The following TPPP variants were observed in gnomAD, a reference collection of about 807,000 sequenced individuals.
TPPP encodes the protein tubulin polymerization promoting protein, also known as tubulin polymerization-promoting protein.
Under a neutral mutation model 15.5 loss-of-function variants are expected in TPPP, and 6 were observed. The ratio of observed to expected loss-of-function variants is 0.39; its 90% confidence interval spans 0.21 to 0.77. The LOEUF (loss-of-function observed/expected upper bound fraction) is 0.77. Among genes scored for constraint, TPPP ranks in the 30% least tolerant of loss-of-function variants. The probability of loss-of-function intolerance (pLI) is 0.42; values close to 1 mark genes in which losing one functional copy is unlikely to be tolerated. For missense variants in TPPP, 269 were observed against 307.2 expected (o/e 0.88, Z 0.93); for synonymous variants, 146 against 133.9 (o/e 1.09, Z -0.63).
At chr5:665,937 C>CCCA in intron 3 of TPPP, 33 bp downstream of exon 3, 1 of 1,353,302 alleles carries the variant, frequency 7.4e-7, no homozygotes. Context: ...CCCACCCCCT[C>CCCA]CAGGCCCCGC....
chr5:673,407 T>G (rs1740289396), intron 2 of TPPP, among the ~76,000 whole-genome samples: 1 of 146,832 alleles, frequency 6.8e-6, no homozygotes, highest in African/African-American at 2.5e-5. Flanking sequence ...GAGGAGGAGG[T>G]GGGGGCAGCC....
chr5:677,712 A>C, intron 2 of TPPP, 38 bp downstream of exon 2: 1 of 1,511,102 alleles, frequency 6.6e-7, no homozygotes, highest in South Asian at 1.3e-5. Flanking sequence ...AGACCCCCGT[A>C]AGTCAGGTCC....
intron 2 of TPPP, among the ~76,000 whole-genome samples, chr5:673,068 G>A (rs1469741240): frequency 6.6e-6 from 1 of 152,120 alleles, no homozygotes; most frequent in Non-Finnish European, 1.5e-5. Flanking sequence ...AGTACCGAAG[G>A]CCACTTCCTC....
intron 2 of TPPP, among the ~76,000 whole-genome samples, chr5:670,229 CTG>C (rs1346140373): frequency 6.6e-6 from 1 of 152,164 alleles, no homozygotes; most frequent in Non-Finnish European, 1.5e-5. Context: ...GGGCTCGGGA[CTG>C]TGCATCCAGC....
At chr5:670,049 C>T (rs941495393) in intron 2 of TPPP, among the ~76,000 whole-genome samples, 2 of 151,568 alleles carry the variant, frequency 1.3e-5, no homozygotes, top group Admixed American at 6.6e-5. Context: ...CGATGCCCTG[C>T]GGGGCCTGGA....
chr5:683,310 G>A (rs1030171870), intron 1 of TPPP, among the ~76,000 whole-genome samples: 17 of 152,200 alleles, frequency 1.1e-4, no homozygotes, highest in East Asian at 1.9e-4. Context: ...GATGGCAGCC[G>A]ACTGGATTCC....
Position 660,531 on chromosome 5 carries a change from A to G in TPPP, c.*4571T>C, listed in dbSNP as rs1428132674. On this transcript the variant is annotated 3_prime_UTR_variant, in exon 4 of 4. Coordinates refer to ENST00000360578, the MANE Select transcript of TPPP (RefSeq NM_007030.3). ...ATTGATAACATCACGGTCCAGCCTC[A>G]TCTTCCCCCTGTGCCATCCCCTCGT... 1 of 152,370 alleles carries G rather than the reference A, an allele frequency of 6.6e-6. No individual in the cohort carries two copies. The highest frequency in any genetic ancestry group is 1.5e-5 in the Non-Finnish European group (1 of 68,076). The allele number at this position is 152,370 out of a possible 1,614,324, so 9.4% of individuals were successfully genotyped here.
intron 2 of TPPP, among the ~76,000 whole-genome samples, chr5:673,959 G>C (rs1032920124): frequency 6.6e-6 from 1 of 152,246 alleles, no homozygotes; most frequent in Non-Finnish European, 1.5e-5. Context: ...GTGCACATGC[G>C]GCCATGTGCA....
At chr5:677,447 A>G (rs1205895035) in intron 2 of TPPP, among the ~76,000 whole-genome samples, 1 of 152,178 alleles carries the variant, frequency 6.6e-6, no homozygotes, top group Non-Finnish European at 1.5e-5. Flanking sequence ...CTCTGAGGCC[A>G]GACATCCCCT....
Position 677,836 on chromosome 5 carries a change from G to A in TPPP, c.225C>T (p.Asn75=), listed in dbSNP as rs1215666883. 6.2e-7 allele frequency: 1 copy of A among 1,612,502 alleles called. No individual in the cohort carries two copies. Among genetic ancestry groups the A allele is most frequent in the East Asian group, 2.2e-5 (1 of 44,874 alleles). Residue 75 remains asparagine (N), a synonymous_variant, in exon 2 of 4, where the codon AAC becomes AAT. Transcript: ENST00000360578. ...GGCAGTCCTTGCACAGCTTCGACCA[G>A]TTCTTGCCGTGCATCTCCCTCCCGG... is the stretch of plus-strand genomic sequence containing the variant. ...RATGREMHGK[N]WSKLCKDCQV...
intron 2 of TPPP, among the ~76,000 whole-genome samples, chr5:666,487 G>A (rs984176170): frequency 6.6e-5 from 10 of 152,190 alleles, no homozygotes; most frequent in Non-Finnish European, 1.5e-4. Context: ...GGACCTGCTG[G>A]GGCCCCGGCT....
chr5:681,947 C>T (rs1442954669), intron 1 of TPPP, among the ~76,000 whole-genome samples: 7 of 152,158 alleles, frequency 4.6e-5, no homozygotes, highest in South Asian at 2.1e-4. Context: ...GCCACCTAGG[C>T]GGGGCTTCGT....
At chr5:686,878 T>A (rs2126912550) in intron 1 of TPPP, among the ~76,000 whole-genome samples, 1 of 142,584 alleles carries the variant, frequency 7.0e-6, no homozygotes, top group African/African-American at 2.5e-5. Context: ...CCGAGTGCCT[T>A]ATCAAAGGGC....
intron 2 of TPPP, among the ~76,000 whole-genome samples, chr5:675,576 G>A (rs1457466258): frequency 1.4e-5 from 2 of 146,462 alleles, no homozygotes; most frequent in African/African-American, 5.0e-5. Context: ...TGGGGGTGCG[G>A]TGTGGCCAGG....
intron 2 of TPPP, among the ~76,000 whole-genome samples, chr5:675,666 G>T (rs956086924): frequency 6.6e-6 from 1 of 151,960 alleles, no homozygotes; most frequent in African/African-American, 2.4e-5. Context: ...CGAGGGCTGA[G>T]CCCCAGCCCT....
At chr5:686,891 G>A (rs888732496) in intron 1 of TPPP, among the ~76,000 whole-genome samples, 2 of 143,182 alleles carry the variant, frequency 1.4e-5, no homozygotes, top group South Asian at 2.4e-4. Flanking sequence ...CAAAGGGCTG[G>A]GGCATGAGGA....
chr5:663,331 C>G lies in TPPP; in HGVS notation c.*1771G>C, dbSNP rs1197259765. On this transcript the variant is annotated 3_prime_UTR_variant, in exon 4 of 4. Coordinates refer to ENST00000360578, the MANE Select transcript of TPPP (RefSeq NM_007030.3). Reference sequence around the variant, plus strand: ...GGGGCACAGGGCTGGGCTTGGGCACCCCCCGCCTTCCCCAGGCCGGTGAGG... The same window carrying G: ...GGGGCACAGGGCTGGGCTTGGGCACGCCCCGCCTTCCCCAGGCCGGTGAGG... 2 of 152,446 alleles carry G rather than the reference C, an allele frequency of 1.3e-5. No individual in the cohort carries two copies. The highest frequency in any genetic ancestry group is 2.1e-4 in the South Asian group (1 of 4,838). The allele number at this position is 152,446 out of a possible 1,614,324, so 9.4% of individuals were successfully genotyped here.
intron 2 of TPPP, among the ~76,000 whole-genome samples, chr5:667,394 A>G (rs1169845891): frequency 6.6e-6 from 1 of 152,178 alleles, no homozygotes; most frequent in Admixed American, 6.5e-5. Context: ...ACTTTGGTCT[A>G]TACTGCACAC....
chr5:683,307 G>A (rs1177575408), intron 1 of TPPP, among the ~76,000 whole-genome samples: 1 of 152,068 alleles, frequency 6.6e-6, no homozygotes, highest in Non-Finnish European at 1.5e-5. Context: ...TCTGATGGCA[G>A]CCGACTGGAT....
Sources: gnomAD v4.1 joint callset for allele counts (sites outside exome capture counted in the v4.1 genomes callset) on GRCh38, gnomAD v4.1.1 for gene constraint, MANE v1.5 for transcripts, NCBI Gene and HGNC (gene_info 2026-07-23, HGNC 2026-07-21) for gene names.